Variants in TATDN1 observed in about 807,000 individuals in gnomAD.
TATDN1 encodes the protein TatD DNase domain containing 1.
In TATDN1, 40 loss-of-function variants were observed where a neutral mutation model predicts 46.4. The ratio of observed to expected loss-of-function variants is 0.86; its 90% CI spans 0.67 to 1.12. The LOEUF (loss-of-function observed/expected upper bound fraction) is 1.12. TATDN1 is among the 50% of genes most tolerant of loss of function. The probability of loss-of-function intolerance (pLI) is 0.00; values close to 1 mark genes in which losing one functional copy is unlikely to be tolerated. For synonymous variants in TATDN1, 95 were observed against 105.6 expected (o/e 0.90, Z 0.62); for missense variants, 326 against 348.4 (o/e 0.94, Z 0.51).
At chr8:124,529,555 A>G (rs1820783226) in intron 1 of TATDN1, among the ~76,000 whole-genome samples, 1 of 152,188 alleles carries the variant, frequency 6.6e-6, no homozygotes. Flanking sequence ...TATGCCACAT[A>G]CAAACACACA....
At chr8:124,509,810 G>A (rs1433547219) in intron 6 of TATDN1, among the ~76,000 whole-genome samples, 1 of 152,206 alleles carries the variant, frequency 6.6e-6, no homozygotes, top group African/African-American at 2.4e-5. Flanking sequence ...AGGCCAAGGC[G>A]GGTGGATCAC....
intron 1 of TATDN1, among the ~76,000 whole-genome samples, chr8:124,538,081 T>C (rs946183044): frequency 9.9e-5 from 15 of 152,158 alleles, no homozygotes; most frequent in Admixed American, 9.8e-4. Context: ...CTTAACCTAA[T>C]CCAAATGGAC....
chr8:124,530,302 T>C (rs1230895413), intron 1 of TATDN1, among the ~76,000 whole-genome samples: 1 of 152,218 alleles, frequency 6.6e-6, no homozygotes, highest in Non-Finnish European at 1.5e-5. Context: ...CAGTGACAGA[T>C]ATTACCAATG....
rs2131397526 is a variant in TATDN1 at position 124,504,074 on chromosome 8, T to C, written c.593+197A>G. The C allele has an allele frequency of 7.8e-6, 6 of 773,792 alleles. No homozygotes were observed. The South Asian group carries it at 1.2e-4, about 16-fold the overall frequency. The allele number at this position is 773,792 out of a possible 1,614,324, so 47.9% of individuals were successfully genotyped here. On this transcript the variant is annotated intron_variant, in intron 9 of 11. Transcript: ENST00000276692. ...TATTAGAACATAATGTAGTAGTCTATAACTTTCGAGCTTTAACTTTTAATA... is the reference window on the plus strand; with the variant it reads ...TATTAGAACATAATGTAGTAGTCTACAACTTTCGAGCTTTAACTTTTAATA...
In TATDN1 at chr8:124,488,555, A is replaced by C; in HGVS notation, c.*39T>G. ...AACTATCAGGAAGTTTTACTATGAA[A>C]TTTTACATACATGATGGAAAGTGGA... is the stretch of plus-strand genomic sequence containing the variant. On this transcript the variant is annotated 3_prime_UTR_variant, in exon 12 of 12. Coordinates refer to ENST00000276692, the MANE Select transcript of TATDN1 (RefSeq NM_032026.4). 1 of 1,121,498 alleles carries C rather than the reference A, an allele frequency of 8.9e-7. No homozygotes were observed. The highest frequency in any genetic ancestry group is 1.3e-6 in the Non-Finnish European group (1 of 762,864). 69.5% of individuals were successfully genotyped at this position (1,121,498 alleles called of 1,614,324 possible).
rs201959089 is a variant in TATDN1 at position 124,539,061 on chromosome 8, G to A, written c.-15C>T. 1.9e-6 allele frequency: 3 copies of A among 1,612,724 alleles called. No individual in the cohort carries two copies. Among genetic ancestry groups the A allele is most frequent in the African/African-American group, 2.7e-5 (2 of 74,996 alleles). On this transcript the variant is annotated 5_prime_UTR_variant, in exon 1 of 12. Coordinates refer to ENST00000276692, the MANE Select transcript of TATDN1 (RefSeq NM_032026.4). ...AAGCGACTCATGACTGCGCATGGAG[G>A]ACCTCCCCAGCGGAAGCGGAAGTGG...
At chr8:124,491,707 C>T (rs1309192763) in intron 11 of TATDN1, 2 of 152,170 alleles carry the variant, frequency 1.3e-5, no homozygotes, top group Non-Finnish European at 2.9e-5. Context: ...CCTTTCCTGA[C>T]ATGGCAGGGG....
At position 124,515,775 on chromosome 8, in the gene TATDN1, C is replaced by T; in HGVS notation, c.360G>A (p.Leu120=). 2 of 1,613,792 alleles carry T rather than the reference C, an allele frequency of 1.2e-6. No individual in the cohort carries two copies. The highest frequency in any genetic ancestry group is 8.5e-7 in the Non-Finnish European group (1 of 1,179,830). ...GTTGAGTATCTTTGGGACAAAACTGCAGTCGGTCAAAATCTTTAAAAAGAT... is the reference window on the plus strand; with the variant it reads ...GTTGAGTATCTTTGGGACAAAACTGTAGTCGGTCAAAATCTTTAAAAAGAT... ...IGECGLDFDR[L]QFCPKDTQLK... The change falls in exon 6 of 12, where the codon CTG becomes CTA. Residue 120 remains leucine, a synonymous_variant. Transcript: ENST00000276692.
At chr8:124,538,896 C>A (rs1319397102) in intron 1 of TATDN1, 129 bp downstream of exon 1, 3 of 1,071,854 alleles carry the variant, frequency 2.8e-6, no homozygotes, top group Non-Finnish European at 4.2e-6. Context: ...TCCCCGCGCC[C>A]TCCTCCACTG....
intron 11 of TATDN1, among the ~76,000 whole-genome samples, chr8:124,491,999 A>C (rs996295740): frequency 8.0e-6 from 1 of 124,610 alleles, no homozygotes; most frequent in South Asian, 2.6e-4. Context: ...TTTGAGATGT[A>C]TTTTCACTTT....
intron 1 of TATDN1, among the ~76,000 whole-genome samples, chr8:124,523,668 T>G (rs1190299677): frequency 6.6e-6 from 1 of 152,218 alleles, no homozygotes; most frequent in Non-Finnish European, 1.5e-5. Flanking sequence ...ATTAGGTATT[T>G]TAAGTAATCT....
chr8:124,499,531 T>C (rs1012549608), intron 9 of TATDN1, among the ~76,000 whole-genome samples: 7 of 152,084 alleles, frequency 4.6e-5, no homozygotes, highest in African/African-American at 1.7e-4. Context: ...GAAGTCAAGT[T>C]TGAAATACAT....
chr8:124,518,813 G>T lies in TATDN1; in HGVS notation c.202+5C>A. The T allele has an allele frequency of 6.2e-7, 1 of 1,604,054 alleles. No homozygotes were observed. Among genetic ancestry groups the T allele is most frequent in the Non-Finnish European group, 8.5e-7 (1 of 1,172,234 alleles). Reference sequence around the variant, plus strand: ...TTTTTTTTGGTAAAAGAAATATGAGGATACCATTTGTTTGTGCCAAATGCA... The same window carrying T: ...TTTTTTTTGGTAAAAGAAATATGAGTATACCATTTGTTTGTGCCAAATGCA... On this transcript the variant is annotated splice_donor_5th_base_variant and intron_variant, in intron 4 of 11. Transcript: ENST00000276692.
chr8:124,504,587 G>C (rs1352199217), intron 8 of TATDN1: 6 of 309,826 alleles, frequency 1.9e-5, no homozygotes, highest in Non-Finnish European at 5.8e-6. Flanking sequence ...TCTTTAGAGT[G>C]GCAGTGTTGC....
chr8:124,536,149 C>T (rs1821410182), intron 1 of TATDN1, among the ~76,000 whole-genome samples: 1 of 152,140 alleles, frequency 6.6e-6, no homozygotes. Context: ...GAGATTCTGG[C>T]ATATAATAGT....
At chr8:124,523,572 A>G (rs1820236905) in intron 1 of TATDN1, 1 of 152,306 alleles carries the variant, frequency 6.6e-6, no homozygotes, top group Admixed American at 6.5e-5. Flanking sequence ...AATATTAGAA[A>G]ATAAAAATAA....
intron 11 of TATDN1, among the ~76,000 whole-genome samples, chr8:124,492,998 GGAAAA>G (rs1817155941): frequency 6.6e-6 from 1 of 151,880 alleles, no homozygotes; most frequent in South Asian, 2.1e-4. Context: ...TGTTAATAAA[GGAAAA>G]GAACCTTTCA....
chr8:124,523,959 C>T (rs1016971985), intron 1 of TATDN1, among the ~76,000 whole-genome samples: 1 of 151,934 alleles, frequency 6.6e-6, no homozygotes, highest in Non-Finnish European at 1.5e-5. Flanking sequence ...TGTGACTGGT[C>T]ACAGGCAAGA....
At chr8:124,503,163 C>T (rs1762911406) in intron 9 of TATDN1, among the ~76,000 whole-genome samples, 1 of 151,876 alleles carries the variant, frequency 6.6e-6, no homozygotes. Flanking sequence ...TCTGAAATAA[C>T]GACATTGAGA....
Sources: gnomAD v4.1 joint callset for allele counts (sites outside exome capture counted in the v4.1 genomes callset) on GRCh38, gnomAD v4.1.1 for gene constraint, MANE v1.5 for transcripts, NCBI Gene and HGNC (gene_info 2026-07-23, HGNC 2026-07-21) for gene names.